The following LEPR variants were observed in gnomAD, a reference collection of about 807,000 sequenced individuals.
The protein encoded by LEPR is OB receptor.
Under a neutral mutation model 114.7 loss-of-function variants are expected in LEPR, and 56 were observed. The observed-to-expected ratio is 0.49, with a 90% CI of 0.39 to 0.61. The LOEUF is 0.61. Ranked by LOEUF, LEPR falls within the 20% of genes least tolerant of loss-of-function variation. The pLI is 0.00. For synonymous variants in LEPR, 443 were observed against 461.4 expected, an observed-to-expected ratio of 0.96 and a Z score of 0.51; for missense variants, 1,202 against 1,352.9, an observed-to-expected ratio of 0.89 and a Z score of 1.75.
chr1:65,639,356 G>A lies in LEPR; in HGVS notation c.*2341G>A, dbSNP rs1658802960. 6.6e-6 allele frequency: 1 copy of A among 152,304 alleles called. No homozygotes were observed. Among genetic ancestry groups the A allele is most frequent in the East Asian group, 1.9e-4 (1 of 5,192 alleles). 9.4% of individuals were successfully genotyped at this position (152,304 alleles called of 1,614,324 possible). A position where few individuals can be genotyped will look rare whatever the true frequency, so the allele number is the denominator to read the frequency against. ...CTATTTCATGGACAGTGCTGAACAA[G>A]TATAGTTTGGCCTATTGGTATGTAT... On this transcript the variant is annotated 3_prime_UTR_variant, in exon 20 of 20. Coordinates refer to ENST00000349533, the MANE Select transcript of LEPR (RefSeq NM_002303.6).
intron 14 of LEPR, among the ~76,000 whole-genome samples, chr1:65,613,085 A>G (rs1346293784): frequency 6.6e-6 from 1 of 152,132 alleles, no homozygotes; most frequent in Non-Finnish European, 1.5e-5. Flanking sequence ...TCTGCATGGG[A>G]GATTTGTCTG....
chr1:65,568,838 T>C (rs975084203), intron 3 of LEPR, among the ~76,000 whole-genome samples: 1 of 152,188 alleles, frequency 6.6e-6, no homozygotes, highest in Admixed American at 6.5e-5. Context: ...CAACATCTAT[T>C]ATTTTTTGAC....
intron 2 of LEPR, among the ~76,000 whole-genome samples, chr1:65,543,148 G>A (rs955792763): frequency 4.6e-5 from 7 of 151,804 alleles, no homozygotes; most frequent in Admixed American, 2.6e-4. Context: ...TTTAATGATC[G>A]CCATTCTAAC....
At chr1:65,461,917 A>T (rs959041748) in intron 2 of LEPR, among the ~76,000 whole-genome samples, 12 of 152,160 alleles carry the variant, frequency 7.9e-5, no homozygotes, top group Admixed American at 2.0e-4. Context: ...ATCATCAGGC[A>T]TCTCCCAGTT....
intron 2 of LEPR, among the ~76,000 whole-genome samples, chr1:65,521,987 C>T (rs912467266): frequency 1.6e-4 from 24 of 152,098 alleles, no homozygotes; most frequent in African/African-American, 4.8e-4. Context: ...GTAATCCCAG[C>T]TACTCGGAAG....
At chr1:65,631,344 T>TGTTTTTACGTGCCATTTCTTCACGC (rs1553174232) in intron 19 of LEPR, among the ~76,000 whole-genome samples, 1 of 152,224 alleles carries the variant, frequency 6.6e-6, no homozygotes, top group East Asian at 1.9e-4. Flanking sequence ...TGTCTTCATG[T>TGTTTTTACGTGCCATTTCTTCACGC]GTTTTTACGT....
intron 2 of LEPR, among the ~76,000 whole-genome samples, chr1:65,551,833 G>A (rs1047041957): frequency 1.3e-5 from 2 of 152,098 alleles, no homozygotes; most frequent in South Asian, 2.1e-4. Flanking sequence ...GCTTTCTCTT[G>A]TGGGCATTTA....
At chr1:65,453,933 C>T (rs1189681768) in intron 2 of LEPR, among the ~76,000 whole-genome samples, 1 of 151,214 alleles carries the variant, frequency 6.6e-6, no homozygotes, top group South Asian at 2.1e-4. Context: ...CTTTGTAGGT[C>T]ACTCAGGACT....
Position 65,549,384 on chromosome 1 carries a change from G to A in LEPR, c.-20-16162G>A, listed in dbSNP as rs537733273. On this transcript the variant is annotated intron_variant, in intron 2 of 19. Transcript: ENST00000349533. ...TTGCTAGATTGGGGAAGTTCTCCTG[G>A]ATAATATCCTGCAGAGTGTTTTCCA... 1.7e-3 allele frequency among the ~76,000 whole-genome samples: 254 copies of A among 152,056 alleles called. 1 individual carries two copies. The Middle Eastern group carries it at 0.02, about 12-fold the overall frequency.
intron 19 of LEPR, chr1:65,634,145 C>T: frequency 1.0e-6 from 1 of 985,290 alleles, no homozygotes; most frequent in Non-Finnish European, 1.2e-6. Context: ...ACGAATTATG[C>T]TGCGTTGCTC....
chr1:65,605,034 A>G lies in LEPR; in HGVS notation c.1404-4A>G. The G allele has an allele frequency of 1.2e-6, 2 of 1,612,064 alleles. No individual in the cohort carries two copies. The highest frequency in any genetic ancestry group is 1.7e-6 in the Non-Finnish European group (2 of 1,179,964). On this transcript the variant is annotated splice_polypyrimidine_tract_variant and splice_region_variant and intron_variant, in intron 10 of 19. Coordinates refer to ENST00000349533, the MANE Select transcript of LEPR (RefSeq NM_002303.6). ...CTAATTGACTATTTTTGTATCTTTTAAAGGAGCAGCCTTTACTGTTCTGAT... is the reference window on the plus strand; with the variant it reads ...CTAATTGACTATTTTTGTATCTTTTGAAGGAGCAGCCTTTACTGTTCTGAT...
intron 5 of LEPR, among the ~76,000 whole-genome samples, chr1:65,573,449 A>T (rs1286267221): frequency 1.3e-5 from 2 of 152,188 alleles, no homozygotes; most frequent in Non-Finnish European, 2.9e-5. Flanking sequence ...TATAAACTTA[A>T]AAATATGGGT....
In LEPR at chr1:65,639,301, G is replaced by A. The variant is rs953594428; in HGVS notation, c.*2286G>A. The A allele has an allele frequency of 6.6e-6, 1 of 152,164 alleles. No individual in the cohort carries two copies. 9.4% of individuals were successfully genotyped at this position (152,164 alleles called of 1,614,324 possible). A position where few individuals can be genotyped will look rare whatever the true frequency, so the allele number is the denominator to read the frequency against. ...GATAAGTGAACAAATGAACAAAAATGCACTTCAGAAATATTGAAATTCCAA... is the reference window on the plus strand; with the variant it reads ...GATAAGTGAACAAATGAACAAAAATACACTTCAGAAATATTGAAATTCCAA... On this transcript the variant is annotated 3_prime_UTR_variant, in exon 20 of 20. Transcript: ENST00000349533.
At chr1:65,433,670 T>C in intron 2 of LEPR, 2 of 984,262 alleles carry the variant, frequency 2.0e-6, no homozygotes, top group Non-Finnish European at 2.4e-6. Context: ...CCTGTGTACA[T>C]ATAGAATTGT....
At chr1:65,496,497 A>T (rs760464783) in intron 2 of LEPR, among the ~76,000 whole-genome samples, 1 of 152,140 alleles carries the variant, frequency 6.6e-6, no homozygotes, top group Non-Finnish European at 1.5e-5. Context: ...GGATGGCTTG[A>T]GCTTGGGAGG....
At chr1:65,435,764 G>C in intron 2 of LEPR, 1 of 982,088 alleles carries the variant, frequency 1.0e-6, no homozygotes, top group African/African-American at 1.7e-5. Context: ...ATAGTAATTA[G>C]TTCACAACTG....
chr1:65,603,698 GT>G (rs71736052), intron 10 of LEPR, among the ~76,000 whole-genome samples: 29,084 of 135,186 alleles, frequency 0.22, 3,621 homozygotes, highest in East Asian at 0.76. Context: ...TTTGCAACTG[GT>G]TTTTTTTTTT....
intron 2 of LEPR, among the ~76,000 whole-genome samples, chr1:65,501,491 C>T (rs1220394303): frequency 6.6e-6 from 1 of 151,434 alleles, no homozygotes; most frequent in African/African-American, 2.4e-5. Flanking sequence ...GGACACTGGT[C>T]ATATTGGATT....
At chr1:65,456,006 C>T (rs995581829) in intron 2 of LEPR, among the ~76,000 whole-genome samples, 12 of 152,146 alleles carry the variant, frequency 7.9e-5, no homozygotes, top group East Asian at 1.9e-4. Flanking sequence ...TTAAGCCCGT[C>T]GGAAAAGCAC....
Sources: allele counts gnomAD v4.1 joint callset (sites outside exome capture counted in the v4.1 genomes callset), GRCh38; gene constraint gnomAD v4.1.1; transcripts MANE v1.5; gene names NCBI Gene and HGNC (gene_info 2026-07-23, HGNC 2026-07-21).